Variants in CNTNAP5 observed in about 807,000 individuals in gnomAD.
The protein encoded by CNTNAP5 is contactin associated protein family member 5, also known as contactin-associated protein-like 5.
CNTNAP5 carries 72 observed loss-of-function variants against 150.2 expected under a neutral mutation model. The ratio of observed to expected loss-of-function variants is 0.48; its 90% confidence interval spans 0.40 to 0.58. CNTNAP5 has a LOEUF of 0.58. CNTNAP5 is among the 20% of genes least tolerant of loss of function. The pLI, the probability that CNTNAP5 is intolerant of heterozygous loss-of-function variation, is 0.00. For synonymous variants in CNTNAP5, 672 were observed against 619.8 expected (o/e 1.08, Z -1.25); for missense variants, 1,636 against 1,626.2 (o/e 1.01, Z -0.10).
At chr2:124,714,073 G>A (rs1679895734) in intron 13 of CNTNAP5, among the ~76,000 whole-genome samples, 1 of 152,008 alleles carries the variant, frequency 6.6e-6, no homozygotes, top group Non-Finnish European at 1.5e-5. Context: ...ATTTCCTCTA[G>A]GTTTTCTTCA....
chr2:124,407,469 C>T lies in CNTNAP5; in HGVS notation c.382-9974C>T, dbSNP rs913780540. Among the ~76,000 whole-genome samples the T allele has an allele frequency of 2.0e-5, 3 of 152,058 alleles. No homozygotes were observed. In the East Asian group the frequency reaches 5.8e-4, roughly 29 times the overall value. ...GTAACAAATTAACAATGGCAGGATA[C>T]TAGAAAGAAAAGGCATATCAGTGTA... is the stretch of plus-strand genomic sequence containing the variant. On this transcript the variant is annotated intron_variant, in intron 3 of 23. Coordinates refer to ENST00000682447, the MANE Select transcript of CNTNAP5 (RefSeq NM_001367498.1).
chr2:124,899,784 C>T (rs182850740), intron 21 of CNTNAP5, among the ~76,000 whole-genome samples: 71 of 151,414 alleles, frequency 4.7e-4, no homozygotes, highest in African/African-American at 1.7e-3. Flanking sequence ...CCTTATCTAA[C>T]TCCACATGAA....
intron 12 of CNTNAP5, among the ~76,000 whole-genome samples, chr2:124,620,870 T>C (rs1322292048): frequency 6.6e-6 from 1 of 152,140 alleles, no homozygotes; most frequent in Non-Finnish European, 1.5e-5. Flanking sequence ...CTACAACCAC[T>C]CTTACAGTTG....
chr2:124,806,921 T>TA (rs1183093339), intron 19 of CNTNAP5, among the ~76,000 whole-genome samples: 4 of 151,562 alleles, frequency 2.6e-5, no homozygotes, highest in Non-Finnish European at 5.9e-5. Context: ...TTTACTTTTT[T>TA]TTTTTTTTTA....
intron 1 of CNTNAP5, among the ~76,000 whole-genome samples, chr2:124,086,266 G>T (rs992629630): frequency 1.2e-4 from 17 of 140,840 alleles, no homozygotes; most frequent in African/African-American, 4.5e-4. Flanking sequence ...GCGCCATCTC[G>T]GCTCATTGCA....
At chr2:124,437,088 A>G (rs935762964) in intron 5 of CNTNAP5, among the ~76,000 whole-genome samples, 2 of 152,172 alleles carry the variant, frequency 1.3e-5, no homozygotes, top group African/African-American at 2.4e-5. Context: ...CCATAATGGG[A>G]AATCTATAAT....
intron 21 of CNTNAP5, among the ~76,000 whole-genome samples, chr2:124,883,550 A>G (rs1678012364): frequency 6.6e-6 from 1 of 152,046 alleles, no homozygotes; most frequent in African/African-American, 2.4e-5. Context: ...TCCAGTTTAA[A>G]TTATCTTCTT....
At chr2:124,882,436 T>C (rs911506467) in intron 21 of CNTNAP5, among the ~76,000 whole-genome samples, 4 of 152,078 alleles carry the variant, frequency 2.6e-5, no homozygotes, top group African/African-American at 7.2e-5. Flanking sequence ...GAACAATTGA[T>C]CTTTAAAGCA....
rs531085071 is a variant in CNTNAP5, at chr2:124,509,655, A to G, written c.1327+5099A>G. Among the ~76,000 whole-genome samples, 444 of 152,368 alleles carry G rather than the reference A, an allele frequency of 2.9e-3. 2 individuals carry two copies. Among genetic ancestry groups the G allele is most frequent in the Non-Finnish European group, 5.3e-3 (358 of 68,038 alleles). On this transcript the variant is annotated intron_variant, in intron 8 of 23. Transcript: ENST00000682447. ...CTTTTTCCTTAGAATTCTCAAGTTC[A>G]TGGTCTTTACACAGTATCCTGCTGC...
At chr2:124,230,485 A>C (rs1686586976) in intron 2 of CNTNAP5, among the ~76,000 whole-genome samples, 1 of 135,922 alleles carries the variant, frequency 7.4e-6, no homozygotes, top group Non-Finnish European at 1.6e-5. Context: ...TTTTTTATTT[A>C]TTTCTTTTGT....
chr2:124,169,456 G>C (rs1573807345), intron 1 of CNTNAP5, among the ~76,000 whole-genome samples: 1 of 152,110 alleles, frequency 6.6e-6, no homozygotes, highest in East Asian at 1.9e-4. Context: ...CTTTAGTATG[G>C]GCAAAGTTCC....
intron 1 of CNTNAP5, among the ~76,000 whole-genome samples, chr2:124,072,511 T>G (rs1682331186): frequency 6.6e-6 from 1 of 151,862 alleles, no homozygotes. Flanking sequence ...TTAGAACTGA[T>G]AAACAAATTC....
At chr2:124,218,784 T>C (rs183921584) in intron 1 of CNTNAP5, among the ~76,000 whole-genome samples, 1 of 152,280 alleles carries the variant, frequency 6.6e-6, no homozygotes, top group African/African-American at 2.4e-5. Flanking sequence ...ACAAAACTTA[T>C]CACTTGCCTG....
At chr2:124,069,230 G>A (rs1052097062) in intron 1 of CNTNAP5, among the ~76,000 whole-genome samples, 2 of 152,140 alleles carry the variant, frequency 1.3e-5, no homozygotes, top group African/African-American at 4.8e-5. Context: ...CAGTGGTTAT[G>A]GTGGCCACGA....
At chr2:124,782,531 G>C (rs1681475137) in intron 17 of CNTNAP5, among the ~76,000 whole-genome samples, 1 of 152,174 alleles carries the variant, frequency 6.6e-6, no homozygotes, top group Non-Finnish European at 1.5e-5. Flanking sequence ...GGTAGAAATG[G>C]AAAGTGTAAA....
chr2:124,288,666 C>G (rs1573893129), intron 3 of CNTNAP5, among the ~76,000 whole-genome samples: 1 of 152,020 alleles, frequency 6.6e-6, no homozygotes, highest in African/African-American at 2.4e-5. Context: ...CCCTTGAAAC[C>G]CCCGTCTCTC....
intron 1 of CNTNAP5, among the ~76,000 whole-genome samples, chr2:124,054,242 T>A (rs1387438975): frequency 6.6e-6 from 1 of 152,190 alleles, no homozygotes; most frequent in Non-Finnish European, 1.5e-5. Flanking sequence ...ATGTTTGGGT[T>A]GGTTGTCTTT....
intron 7 of CNTNAP5, among the ~76,000 whole-genome samples, chr2:124,493,101 T>C (rs1694068699): frequency 6.6e-6 from 1 of 152,108 alleles, no homozygotes; most frequent in African/African-American, 2.4e-5. Context: ...TATAGGTTTG[T>C]CTTATATGGT....
rs79687726 is a variant in CNTNAP5, at chr2:124,387,971, A to G, written c.382-29472A>G. On this transcript the variant is annotated intron_variant, in intron 3 of 23. Transcript: ENST00000682447. ...AGGAGTGAGGGAAAATGGGATGGAG[A>G]CAGGAAAACAGGGAAAGTCATTCTA... Among the ~76,000 whole-genome samples the G allele has an allele frequency of 3.4e-3, 515 of 152,256 alleles. 3 individuals carry two copies. Among genetic ancestry groups the G allele is most frequent in the African/African-American group, 0.011 (475 of 41,528 alleles).
Sources: allele counts gnomAD v4.1 joint callset (sites outside exome capture counted in the v4.1 genomes callset), GRCh38; gene constraint gnomAD v4.1.1; transcripts MANE v1.5; gene names NCBI Gene and HGNC (gene_info 2026-07-23, HGNC 2026-07-21).